The following NDST4 variants were observed in gnomAD, a reference collection of about 807,000 sequenced individuals.
NDST4 encodes the protein N-deacetylase and N-sulfotransferase 4.
NDST4 carries 63 observed loss-of-function variants against 100.8 expected under a neutral mutation model. The ratio of observed to expected loss-of-function variants is 0.62; its 90% CI spans 0.51 to 0.77. NDST4 has a LOEUF of 0.77. Ranked by LOEUF, NDST4 falls within the 30% of genes least tolerant of loss-of-function variation. The pLI, the probability that NDST4 is intolerant of heterozygous loss-of-function variation, is 0.00. For synonymous variants in NDST4, 377 were observed against 361.8 expected, an observed-to-expected ratio of 1.04 and a Z score of -0.48; for missense variants, 943 against 1,018.4, an observed-to-expected ratio of 0.93 and a Z score of 1.01.
chr4:114,948,242 T>C (rs1231575387), intron 4 of NDST4, among the ~76,000 whole-genome samples: 1 of 152,038 alleles, frequency 6.6e-6, no homozygotes, highest in African/African-American at 2.4e-5. Flanking sequence ...ATTTGGTATA[T>C]GCATGAGCCA....
chr4:115,067,737 T>C (rs1473642426), intron 2 of NDST4, among the ~76,000 whole-genome samples: 1 of 152,074 alleles, frequency 6.6e-6, no homozygotes, highest in Non-Finnish European at 1.5e-5. Context: ...TTCTTTTTTT[T>C]TTGTTTTTCT....
chr4:115,032,840 T>C (rs1230781513), intron 2 of NDST4, among the ~76,000 whole-genome samples: 2 of 151,996 alleles, frequency 1.3e-5, no homozygotes, highest in African/African-American at 4.8e-5. Flanking sequence ...ATGATGTGTT[T>C]TGAGTTTCCC....
At chr4:114,946,043 G>T (rs1320480792) in intron 4 of NDST4, among the ~76,000 whole-genome samples, 1 of 152,100 alleles carries the variant, frequency 6.6e-6, no homozygotes, top group African/African-American at 2.4e-5. Flanking sequence ...GAGCTATTTT[G>T]GGCAATTGAG....
chr4:114,869,693 A>T (rs535595369), intron 7 of NDST4, among the ~76,000 whole-genome samples: 4 of 152,180 alleles, frequency 2.6e-5, no homozygotes, highest in Non-Finnish European at 5.9e-5. Flanking sequence ...TCAGAATATA[A>T]TATGACATGT....
At chr4:114,879,959 T>C (rs1724332107) in intron 6 of NDST4, among the ~76,000 whole-genome samples, 1 of 152,176 alleles carries the variant, frequency 6.6e-6, no homozygotes, top group Admixed American at 6.6e-5. Context: ...AGTTTTTCAG[T>C]CATAATATTT....
intron 6 of NDST4, among the ~76,000 whole-genome samples, chr4:114,884,614 G>C (rs1724439135): frequency 6.6e-6 from 1 of 152,024 alleles, no homozygotes; most frequent in African/African-American, 2.4e-5. Context: ...CTACATTAAA[G>C]CTTGTTTTAA....
intron 2 of NDST4, among the ~76,000 whole-genome samples, chr4:114,996,151 A>C (rs1296104917): frequency 6.6e-6 from 1 of 152,058 alleles, no homozygotes; most frequent in Non-Finnish European, 1.5e-5. Flanking sequence ...CCACATGTCA[A>C]GGGCAGGACC....
intron 7 of NDST4, 65 bp downstream of exon 7, chr4:114,870,702 CA>C (rs1724128771): frequency 1.4e-6 from 2 of 1,399,112 alleles, no homozygotes; most frequent in Non-Finnish European, 1.9e-6. Context: ...GTGCCTAACA[CA>C]AATTATACAC....
intron 2 of NDST4, among the ~76,000 whole-genome samples, chr4:115,011,173 G>T (rs1434636973): frequency 6.6e-6 from 1 of 151,840 alleles, no homozygotes; most frequent in Non-Finnish European, 1.5e-5. Context: ...TAGTACTAAG[G>T]AATAATATGC....
chr4:114,975,855 A>T (rs1409471080), intron 3 of NDST4, among the ~76,000 whole-genome samples: 1 of 151,688 alleles, frequency 6.6e-6, no homozygotes, highest in African/African-American at 2.4e-5. Context: ...GTCTGAAATC[A>T]TTTCTTGAGG....
At chr4:114,957,534 C>T (rs1400671170) in intron 4 of NDST4, among the ~76,000 whole-genome samples, 1 of 152,172 alleles carries the variant, frequency 6.6e-6, no homozygotes, top group Non-Finnish European at 1.5e-5. Context: ...CAAATCATTC[C>T]TGGCCTCTCC....
chr4:114,831,060 T>C (rs1458435586), intron 12 of NDST4, among the ~76,000 whole-genome samples: 1 of 152,204 alleles, frequency 6.6e-6, no homozygotes, highest in Non-Finnish European at 1.5e-5. Context: ...TTCTTTTTTT[T>C]TTTGAGACGG....
intron 2 of NDST4, among the ~76,000 whole-genome samples, chr4:115,036,668 A>C (rs1385540630): frequency 6.6e-6 from 1 of 151,926 alleles, no homozygotes; most frequent in Non-Finnish European, 1.5e-5. Flanking sequence ...TTGCAAGTTG[A>C]GCATCTTTTC....
intron 6 of NDST4, among the ~76,000 whole-genome samples, chr4:114,916,576 G>A (rs866708937): frequency 2.2e-5 from 3 of 136,620 alleles, no homozygotes; most frequent in African/African-American, 9.0e-5. Flanking sequence ...GTGTGTGTGT[G>A]TGTGTGTTTG....
intron 2 of NDST4, among the ~76,000 whole-genome samples, chr4:115,048,930 C>A (rs948203967): frequency 6.8e-6 from 1 of 147,412 alleles, no homozygotes; most frequent in Non-Finnish European, 1.5e-5. Flanking sequence ...TGAGCCACTG[C>A]GCCCGGCCCA....
At chr4:115,090,823 G>T (rs1301078402) in intron 1 of NDST4, among the ~76,000 whole-genome samples, 1 of 152,032 alleles carries the variant, frequency 6.6e-6, no homozygotes, top group Non-Finnish European at 1.5e-5. Context: ...TGAGCATCGT[G>T]CTGTTGACAT....
intron 2 of NDST4, among the ~76,000 whole-genome samples, chr4:115,013,613 G>A (rs1727609314): frequency 6.6e-6 from 1 of 151,690 alleles, no homozygotes; most frequent in Non-Finnish European, 1.5e-5. Flanking sequence ...ACGGGCTTAT[G>A]GAGGTCAGGT....
chr4:114,917,493 A>C (rs1295870200), intron 6 of NDST4, among the ~76,000 whole-genome samples: 2 of 151,996 alleles, frequency 1.3e-5, no homozygotes, highest in South Asian at 2.1e-4. Flanking sequence ...CTGATCAAAC[A>C]ATAGGGACTT....
rs1350238541 is a variant in NDST4, at chr4:114,983,356, G to A, written c.979-6082C>T. ...GTACCCTTCAAAACCACAGGGCAGA[G>A]TTGCCCAGGGCCTTGGGAGTCCACC... On this transcript the variant is annotated intron_variant, in intron 2 of 13. Coordinates refer to ENST00000264363, the MANE Select transcript of NDST4 (RefSeq NM_022569.3). Among the ~76,000 whole-genome samples, 3 of 152,352 alleles carry A rather than the reference G, an allele frequency of 2.0e-5. No homozygotes were observed. The East Asian group carries it at 5.8e-4, about 29-fold the overall frequency.
Sources: allele counts gnomAD v4.1 joint callset (sites outside exome capture counted in the v4.1 genomes callset), GRCh38; gene constraint gnomAD v4.1.1; transcripts MANE v1.5; gene names NCBI Gene and HGNC (gene_info 2026-07-23, HGNC 2026-07-21).